PDE3B: variants seen among roughly 807,000 people sequenced by gnomAD.
PDE3B encodes cGMP-inhibited 3',5'-cyclic phosphodiesterase 3B.
Under a neutral mutation model 116.8 loss-of-function variants are expected in PDE3B, and 66 were observed. The observed-to-expected ratio is 0.56, with a 90% CI of 0.46 to 0.69. PDE3B has a LOEUF of 0.69. Ranked by LOEUF, PDE3B falls within the 30% of genes least tolerant of loss-of-function variation. PDE3B has a pLI of 0.00. For missense variants in PDE3B, 1,384 were observed against 1,368.1 expected (o/e 1.01, Z -0.18); for synonymous variants, 595 against 533.6 (o/e 1.12, Z -1.59).
At chr11:14,854,040 C>T (rs782048930) in intron 12 of PDE3B, among the ~76,000 whole-genome samples, 4 of 152,184 alleles carry the variant, frequency 2.6e-5, no homozygotes, top group Non-Finnish European at 5.9e-5. Flanking sequence ...AAGTTCATTA[C>T]AACAGAGAGC....
chr11:14,803,122 A>C (rs1858822189), intron 4 of PDE3B, among the ~76,000 whole-genome samples: 1 of 152,218 alleles, frequency 6.6e-6, no homozygotes, highest in African/African-American at 2.4e-5. Context: ...GGGGAATAAA[A>C]GGCTAATCTG....
intron 9 of PDE3B, among the ~76,000 whole-genome samples, chr11:14,832,349 T>A (rs1859911402): frequency 6.6e-6 from 1 of 152,218 alleles, no homozygotes; most frequent in African/African-American, 2.4e-5. Context: ...TTAATTGAAG[T>A]TCTTAGGGAT....
rs1392533689 is a variant in PDE3B, at chr11:14,644,144, C to A, written c.69C>A (p.Pro23=). The A allele has an allele frequency of 6.3e-7, 1 of 1,591,600 alleles. No individual in the cohort carries two copies. Among genetic ancestry groups the A allele is most frequent in the Non-Finnish European group, 8.5e-7 (1 of 1,176,590 alleles). Residue 23 remains proline (P), a synonymous_variant, in exon 1 of 16, where the codon CCC becomes CCA. Transcript: ENST00000282096. ...SLQPPDGAGS[P]PESLRNGYVK... is the part of the protein sequence containing the mutation. ...AGCCGCCGGATGGGGCCGGCTCGCC[C>A]CCCGAGAGTCTGAGGAACGGCTACG...
At chr11:14,892,443 G>T in the PDE3B span, among the ~76,000 whole-genome samples, 1 of 152,216 alleles carries the variant, frequency 6.6e-6, no homozygotes, top group African/African-American at 2.4e-5. Context: ...CGCGGCTCTA[G>T]GCGGAGCAAT....
chr11:14,854,946 C>T (rs1847821806), intron 12 of PDE3B, among the ~76,000 whole-genome samples: 1 of 152,028 alleles, frequency 6.6e-6, no homozygotes, highest in South Asian at 2.1e-4. Context: ...AGAGAAGCAT[C>T]TAATTATTTT....
At chr11:14,869,012 C>T (rs1267300553) in intron 15 of PDE3B, among the ~76,000 whole-genome samples, 2 of 151,344 alleles carry the variant, frequency 1.3e-5, no homozygotes, top group Non-Finnish European at 1.5e-5. Flanking sequence ...CAGAGCAAGA[C>T]TCCGTCTCAA....
intron 1 of PDE3B, among the ~76,000 whole-genome samples, chr11:14,660,637 T>A (rs1302776747): frequency 1.3e-5 from 2 of 152,126 alleles, no homozygotes; most frequent in Non-Finnish European, 1.5e-5. Context: ...ATATTCCTTA[T>A]ATTATTCTTT....
chr11:14,648,631 A>G (rs1027414064), intron 1 of PDE3B, among the ~76,000 whole-genome samples: 8 of 152,166 alleles, frequency 5.3e-5, no homozygotes, highest in African/African-American at 1.9e-4. Flanking sequence ...TTTTTCAAAA[A>G]CACAGATTTG....
chr11:14,787,657 T>C (rs970344490), intron 3 of PDE3B, among the ~76,000 whole-genome samples: 2 of 151,926 alleles, frequency 1.3e-5, no homozygotes, highest in Admixed American at 1.3e-4. Flanking sequence ...TTTATTTTTT[T>C]AAAGTTTATG....
intron 14 of PDE3B, among the ~76,000 whole-genome samples, chr11:14,865,108 G>C (rs1848019372): frequency 6.6e-6 from 1 of 152,042 alleles, no homozygotes; most frequent in Admixed American, 6.6e-5. Context: ...ATAAAGAAAA[G>C]AGAGAAGAAT....
intron 12 of PDE3B, among the ~76,000 whole-genome samples, chr11:14,850,740 A>G (rs1011948298): frequency 6.6e-6 from 1 of 152,190 alleles, no homozygotes. Flanking sequence ...CACAATTTGC[A>G]TGAAAGAGGC....
rs1425179170 is a variant in PDE3B, at chr11:14,782,976, A to G, written c.1030-3461A>G. 2.6e-5 allele frequency among the ~76,000 whole-genome samples: 4 copies of G among 152,256 alleles called. No individual in the cohort carries two copies. The East Asian group carries it at 7.7e-4, about 29-fold the overall frequency. Reference sequence around the variant, plus strand: ...AGGATATGAACAGACACTTCTCGAAAGAAGACATTTATGCAGCCAACAGAC... The same window carrying G: ...AGGATATGAACAGACACTTCTCGAAGGAAGACATTTATGCAGCCAACAGAC... On this transcript the variant is annotated intron_variant, in intron 2 of 15. Transcript: ENST00000282096.
At chr11:14,757,398 A>T (rs1020382464) in intron 1 of PDE3B, among the ~76,000 whole-genome samples, 11 of 150,496 alleles carry the variant, frequency 7.3e-5, no homozygotes, top group South Asian at 2.1e-4. Context: ...ACAATGGTTG[A>T]ACTAGTTTAC....
chr11:14,784,741 A>C (rs1249327331), intron 2 of PDE3B, among the ~76,000 whole-genome samples: 2 of 152,150 alleles, frequency 1.3e-5, no homozygotes, highest in Non-Finnish European at 2.9e-5. Flanking sequence ...CATGAAAAAA[A>C]GATTTGTCTA....
At chr11:14,762,658 G>A (rs148267605) in intron 1 of PDE3B, among the ~76,000 whole-genome samples, 55 of 152,302 alleles carry the variant, frequency 3.6e-4, no homozygotes, top group African/African-American at 1.3e-3. Context: ...TTCTACCTGG[G>A]CAAGAAAGGA....
intron 12 of PDE3B, among the ~76,000 whole-genome samples, chr11:14,850,500 TA>T (rs914567369): frequency 1.1e-4 from 16 of 148,754 alleles, no homozygotes; most frequent in South Asian, 6.4e-4. Context: ...ATAATAAAAT[TA>T]AAAAAAAAAG....
Position 14,644,066 on chromosome 11 carries a change from G to A in PDE3B, c.-10G>A, listed in dbSNP as rs1590022328. On this transcript the variant is annotated 5_prime_UTR_variant, in exon 1 of 16. Transcript: ENST00000282096. ...TGTGCTGAGTCCCGTGGCCACCCCC[G>A]GCCCCAGCCATGAGGAGGGACGAGC... 2.7e-6 allele frequency: 4 copies of A among 1,502,592 alleles called. No homozygotes were observed. Among genetic ancestry groups the A allele is most frequent in the Non-Finnish European group, 3.5e-6 (4 of 1,136,728 alleles). 93.1% of individuals were successfully genotyped at this position (1,502,592 alleles called of 1,614,324 possible).
intron 4 of PDE3B, among the ~76,000 whole-genome samples, chr11:14,790,855 G>A (rs1858360631): frequency 6.6e-6 from 1 of 152,060 alleles, no homozygotes; most frequent in African/African-American, 2.4e-5. Flanking sequence ...GGTGGGTTAC[G>A]ATGGGAATAT....
rs746424320 is a variant in PDE3B at position 14,709,341 on chromosome 11, A to AT, written c.979-62588dup. Among the ~76,000 whole-genome samples, 5 of 151,882 alleles carry AT rather than the reference A, an allele frequency of 3.3e-5. No individual in the cohort carries two copies. In the East Asian group the frequency reaches 5.8e-4, roughly 18 times the overall value. On this transcript the variant is annotated intron_variant, in intron 1 of 15. Transcript: ENST00000282096. ...TGTTTTATTGAATTTTAACGTGCAC[A>AT]TTTTTTTTCACATTAAAAAAATCTC... is the stretch of plus-strand genomic sequence containing the variant.
Sources: allele counts gnomAD v4.1 joint callset (sites outside exome capture counted in the v4.1 genomes callset), GRCh38; gene constraint gnomAD v4.1.1; transcripts MANE v1.5; gene names NCBI Gene and HGNC (gene_info 2026-07-23, HGNC 2026-07-21).